Variants in NEGR1 observed in about 807,000 individuals in gnomAD.
The protein encoded by NEGR1 is neuronal growth regulator 1.
In NEGR1, 10 loss-of-function variants were observed where a neutral mutation model predicts 40.9. The observed-to-expected ratio is 0.24, with a 90% CI of 0.15 to 0.42. NEGR1 has a LOEUF of 0.42. Ranked by LOEUF, NEGR1 falls within the 10% of genes least tolerant of loss-of-function variation. NEGR1 has a pLI of 1.00. For synonymous variants in NEGR1, 185 were observed against 166.8 expected, an observed-to-expected ratio of 1.11 and a Z score of -0.84; for missense variants, 352 against 438.9, an observed-to-expected ratio of 0.80 and a Z score of 1.77.
chr1:71,521,364 C>T (rs1289570403), intron 6 of NEGR1, among the ~76,000 whole-genome samples: 1 of 151,994 alleles, frequency 6.6e-6, no homozygotes. Context: ...CCCAATCCCT[C>T]CACTATAGAG....
chr1:71,821,214 A>G (rs1423995539), intron 2 of NEGR1, among the ~76,000 whole-genome samples: 1 of 152,018 alleles, frequency 6.6e-6, no homozygotes, highest in Non-Finnish European at 1.5e-5. Flanking sequence ...GATAACCCAC[A>G]GTACTTCCCA....
intron 1 of NEGR1, among the ~76,000 whole-genome samples, chr1:72,150,341 G>T (rs923492659): frequency 3.3e-5 from 5 of 152,116 alleles, no homozygotes; most frequent in African/African-American, 1.2e-4. Flanking sequence ...AGAAAATCTG[G>T]TTGAGATTTC....
intron 6 of NEGR1, among the ~76,000 whole-genome samples, chr1:71,478,098 T>C (rs1474699162): frequency 6.6e-6 from 1 of 152,052 alleles, no homozygotes; most frequent in Non-Finnish European, 1.5e-5. Context: ...CTTTCTCTTT[T>C]GTCCCATTTT....
chr1:71,944,593 G>A (rs760407828), intron 1 of NEGR1, among the ~76,000 whole-genome samples: 6 of 152,004 alleles, frequency 3.9e-5, no homozygotes, highest in East Asian at 1.9e-4. Flanking sequence ...ATGGATATAC[G>A]GAAAGGTTCT....
At chr1:71,426,235 A>G (rs1009344859) in intron 6 of NEGR1, among the ~76,000 whole-genome samples, 1 of 152,174 alleles carries the variant, frequency 6.6e-6, no homozygotes, top group Admixed American at 6.5e-5. Context: ...CCATTTCTCC[A>G]TTTAAGCTGC....
chr1:72,063,824 T>C (rs958176260), intron 1 of NEGR1, among the ~76,000 whole-genome samples: 1 of 151,894 alleles, frequency 6.6e-6, no homozygotes, highest in African/African-American at 2.4e-5. Context: ...AAGCCAAGAT[T>C]GTAGTGCTTG....
At chr1:72,147,825 G>A (rs1390105440) in intron 1 of NEGR1, among the ~76,000 whole-genome samples, 4 of 152,094 alleles carry the variant, frequency 2.6e-5, no homozygotes, top group Admixed American at 1.3e-4. Flanking sequence ...GAAATCCAGC[G>A]GGGCAGTCAA....
chr1:72,073,791 C>A (rs1647583041), intron 1 of NEGR1, among the ~76,000 whole-genome samples: 1 of 150,412 alleles, frequency 6.6e-6, no homozygotes, highest in Non-Finnish European at 1.5e-5. Context: ...TGCAGTAAAT[C>A]ATTTTTTTTC....
intron 2 of NEGR1, among the ~76,000 whole-genome samples, chr1:71,900,341 G>A (rs1661110663): frequency 6.6e-6 from 1 of 152,020 alleles, no homozygotes; most frequent in Non-Finnish European, 1.5e-5. Flanking sequence ...CTTTATCCTA[G>A]TCATGCAAAT....
chr1:71,875,496 A>T (rs982507120), intron 2 of NEGR1, among the ~76,000 whole-genome samples: 3 of 152,168 alleles, frequency 2.0e-5, no homozygotes, highest in Non-Finnish European at 4.4e-5. Flanking sequence ...AGGGCAGTTG[A>T]AGCCTTGCCT....
At chr1:71,914,485 C>G (rs1358405189) in intron 2 of NEGR1, among the ~76,000 whole-genome samples, 2 of 152,144 alleles carry the variant, frequency 1.3e-5, no homozygotes, top group Non-Finnish European at 2.9e-5. Context: ...TAAATTATTT[C>G]CATTCATTTG....
At chr1:71,896,963 T>C (rs1021716321) in intron 2 of NEGR1, among the ~76,000 whole-genome samples, 2 of 152,114 alleles carry the variant, frequency 1.3e-5, no homozygotes, top group East Asian at 1.9e-4. Flanking sequence ...AAGATGACAA[T>C]GTAATAAGCT....
chr1:71,932,034 T>C (rs1570521956), intron 2 of NEGR1, among the ~76,000 whole-genome samples: 1 of 152,206 alleles, frequency 6.6e-6, no homozygotes, highest in African/African-American at 2.4e-5. Context: ...GTTTCAACCC[T>C]TTTAAAGCCA....
chr1:71,971,803 C>A (rs1361728781), intron 1 of NEGR1, among the ~76,000 whole-genome samples: 6 of 152,154 alleles, frequency 3.9e-5, no homozygotes, highest in Non-Finnish European at 2.9e-5. Flanking sequence ...AATTCATAGT[C>A]TGCTCTTAAA....
intron 1 of NEGR1, among the ~76,000 whole-genome samples, chr1:72,276,479 A>T (rs1656051398): frequency 1.3e-5 from 2 of 152,280 alleles, no homozygotes; most frequent in East Asian, 3.9e-4. Context: ...TCTCATCAAT[A>T]AATGTTCATC....
At chr1:71,850,142 TTTGTTTG>T (rs1210483518) in intron 2 of NEGR1, among the ~76,000 whole-genome samples, 1 of 60,858 alleles carries the variant, frequency 1.6e-5, no homozygotes, top group Non-Finnish European at 4.0e-5. Context: ...TCTTTTTTTG[TTTGTTTG>T]TTTGTTTGTT....
chr1:72,042,695 G>C (rs1259757428), intron 1 of NEGR1, among the ~76,000 whole-genome samples: 1 of 151,890 alleles, frequency 6.6e-6, no homozygotes, highest in Non-Finnish European at 1.5e-5. Context: ...CAGACTACAA[G>C]TTTGAAAGAG....
At chr1:72,035,643 G>A (rs957418365) in intron 1 of NEGR1, among the ~76,000 whole-genome samples, 1 of 152,046 alleles carries the variant, frequency 6.6e-6, no homozygotes, top group Non-Finnish European at 1.5e-5. Flanking sequence ...GGTACCTTTG[G>A]GTGAAGCATA....
chr1:71,702,094 AT>A (rs1290257337), intron 3 of NEGR1, among the ~76,000 whole-genome samples: 1 of 152,030 alleles, frequency 6.6e-6, no homozygotes, highest in African/African-American at 2.4e-5. Context: ...CAAGCTTTTG[AT>A]TTTTTTGGTT....
Sources: allele counts gnomAD v4.1 joint callset (sites outside exome capture counted in the v4.1 genomes callset), GRCh38; gene constraint gnomAD v4.1.1; transcripts MANE v1.5; gene names NCBI Gene and HGNC (gene_info 2026-07-23, HGNC 2026-07-21).